FSTL4: variants seen among roughly 807,000 people sequenced by gnomAD.
FSTL4 encodes the protein follistatin-related protein 4.
FSTL4 carries 28 observed loss-of-function variants against 78.2 expected under a neutral mutation model. The observed-to-expected ratio is 0.36, with a 90% CI of 0.27 to 0.49. The LOEUF (loss-of-function observed/expected upper bound fraction) is 0.49, where lower values mean the gene tolerates loss of function less well. Among genes scored for constraint, FSTL4 ranks in the 20% least tolerant of loss-of-function variants. The probability of loss-of-function intolerance (pLI) is 0.98; values close to 1 mark genes in which losing one functional copy is unlikely to be tolerated. For synonymous variants in FSTL4, 422 were observed against 440.5 expected (o/e 0.96, Z 0.53); for missense variants, 922 against 1,084.9 (o/e 0.85, Z 2.11).
the FSTL4 span, among the ~76,000 whole-genome samples, chr5:133,739,444 T>C: frequency 1.3e-5 from 2 of 152,158 alleles, no homozygotes; most frequent in Non-Finnish European, 2.9e-5. Context: ...TCTGCCCAAC[T>C]GGGTCTTTGG....
At chr5:133,820,340 T>A in the FSTL4 span, among the ~76,000 whole-genome samples, 1 of 152,230 alleles carries the variant, frequency 6.6e-6, no homozygotes, top group African/African-American at 2.4e-5. Flanking sequence ...AATTCCCACA[T>A]TTGTGACGTT....
At chr5:133,342,311 G>T (rs923219155) in intron 4 of FSTL4, among the ~76,000 whole-genome samples, 1 of 152,140 alleles carries the variant, frequency 6.6e-6, no homozygotes, top group African/African-American at 2.4e-5. Flanking sequence ...GGCTTAGAGG[G>T]CACCAGGGGC....
At chr5:133,649,830 C>T in the FSTL4 span, among the ~76,000 whole-genome samples, 1 of 151,894 alleles carries the variant, frequency 6.6e-6, no homozygotes, top group Admixed American at 6.6e-5. Context: ...CTTGAGAGTG[C>T]TGTTTCCAGA....
intron 3 of FSTL4, among the ~76,000 whole-genome samples, chr5:133,489,002 T>C (rs1458270072): frequency 6.6e-6 from 1 of 152,210 alleles, no homozygotes; most frequent in African/African-American, 2.4e-5. Context: ...GTAGGGGTAC[T>C]GAGAGGGGCC....
intron 3 of FSTL4, among the ~76,000 whole-genome samples, chr5:133,504,598 A>G (rs143768402): frequency 2.0e-4 from 30 of 152,290 alleles, no homozygotes; most frequent in Admixed American, 1.1e-3. Flanking sequence ...ACTCTGAGCG[A>G]CCTAGTCACT....
chr5:133,721,842 C>A, the FSTL4 span, among the ~76,000 whole-genome samples: 1 of 152,116 alleles, frequency 6.6e-6, no homozygotes, highest in Non-Finnish European at 1.5e-5. Flanking sequence ...AAGAAGTTTT[C>A]AGTAATTATT....
At chr5:133,556,551 C>T (rs1759790433) in intron 3 of FSTL4, among the ~76,000 whole-genome samples, 1 of 152,048 alleles carries the variant, frequency 6.6e-6, no homozygotes, top group Non-Finnish European at 1.5e-5. Context: ...CTTGGTGAAA[C>T]CCCGTCTCTA....
At chr5:133,742,562 C>G in the FSTL4 span, among the ~76,000 whole-genome samples, 1 of 151,996 alleles carries the variant, frequency 6.6e-6, no homozygotes, top group Non-Finnish European at 1.5e-5. Context: ...TAATACAGAG[C>G]AGTATACTGA....
chr5:133,774,135 A>G, the FSTL4 span, among the ~76,000 whole-genome samples: 1 of 152,172 alleles, frequency 6.6e-6, no homozygotes, highest in African/African-American at 2.4e-5. Context: ...TGAATAAAAG[A>G]ATAGTTGGAA....
intron 3 of FSTL4, among the ~76,000 whole-genome samples, chr5:133,401,936 G>A (rs1029983989): frequency 2.0e-5 from 3 of 152,126 alleles, no homozygotes; most frequent in Non-Finnish European, 4.4e-5. Context: ...CACTACTGTA[G>A]GCACTGGGGA....
chr5:133,520,838 TGATGG>T (rs1449453526), intron 3 of FSTL4, among the ~76,000 whole-genome samples: 2 of 152,040 alleles, frequency 1.3e-5, no homozygotes, highest in Non-Finnish European at 2.9e-5. Context: ...AGATGGGTTC[TGATGG>T]GATGGAGGGG....
At chr5:133,707,460 C>T in the FSTL4 span, among the ~76,000 whole-genome samples, 41 of 152,262 alleles carry the variant, frequency 2.7e-4, no homozygotes, top group African/African-American at 7.2e-4. Context: ...AACCAAATAG[C>T]GCCAAACAAT....
At chr5:133,500,933 C>G (rs1051188892) in intron 3 of FSTL4, among the ~76,000 whole-genome samples, 2 of 149,944 alleles carry the variant, frequency 1.3e-5, no homozygotes. Context: ...GACAAGACTC[C>G]TGTTTGCTTC....
chr5:133,230,207 C>A (rs1751452534), intron 8 of FSTL4, among the ~76,000 whole-genome samples: 1 of 152,162 alleles, frequency 6.6e-6, no homozygotes, highest in Admixed American at 6.5e-5. Context: ...TGCAGACCCA[C>A]ATGAATCGCA....
At chr5:133,324,708 C>T (rs1445588566) in intron 4 of FSTL4, among the ~76,000 whole-genome samples, 5 of 152,338 alleles carry the variant, frequency 3.3e-5, no homozygotes, top group Admixed American at 6.5e-5. Context: ...TGTCTGTTAC[C>T]GGTATGACTG....
chr5:133,791,834 T>C, the FSTL4 span, among the ~76,000 whole-genome samples: 1 of 152,240 alleles, frequency 6.6e-6, no homozygotes, highest in African/African-American at 2.4e-5. Flanking sequence ...CCCCATGCCT[T>C]TCCTCTAGCC....
intron 4 of FSTL4, among the ~76,000 whole-genome samples, chr5:133,379,165 T>C (rs1001539809): frequency 6.6e-6 from 1 of 152,092 alleles, no homozygotes; most frequent in Admixed American, 6.5e-5. Flanking sequence ...TAACCAGGTG[T>C]TATATAAACA....
the FSTL4 span, among the ~76,000 whole-genome samples, chr5:133,711,433 G>A: frequency 6.6e-6 from 1 of 152,328 alleles, no homozygotes; most frequent in South Asian, 2.1e-4. Context: ...TTACCCAGGT[G>A]GCCGCTGAAA....
rs567644876 is a variant in FSTL4 at position 133,551,816 on chromosome 5, T to C, written c.160+15370A>G. Among the ~76,000 whole-genome samples, 3 of 152,350 alleles carry C rather than the reference T, an allele frequency of 2.0e-5. No individual in the cohort carries two copies. The South Asian group carries it at 6.2e-4, about 32-fold the overall frequency. On this transcript the variant is annotated intron_variant, in intron 3 of 15. Transcript: ENST00000265342. ...TGTAACAAAATATCAGTTGGAAATA[T>C]CTTTGGAAAGTAATTACTCTGCAAT...
Sources: gnomAD v4.1 joint callset for allele counts (sites outside exome capture counted in the v4.1 genomes callset) on GRCh38, gnomAD v4.1.1 for gene constraint, MANE v1.5 for transcripts, NCBI Gene and HGNC (gene_info 2026-07-23, HGNC 2026-07-21) for gene names.